The following PALM variants were observed in gnomAD, a reference collection of about 807,000 sequenced individuals.
PALM encodes paralemmin-1.
Under a neutral mutation model 30.7 loss-of-function variants are expected in PALM, and 18 were observed. The observed-to-expected ratio is 0.59, with a 90% CI of 0.41 to 0.87. The LOEUF (loss-of-function observed/expected upper bound fraction) is 0.87, where lower values mean the gene tolerates loss of function less well. PALM is among the 40% of genes least tolerant of loss of function. PALM has a pLI of 0.00. For synonymous variants in PALM, 286 were observed against 242.8 expected (o/e 1.18, Z -1.66); for missense variants, 529 against 555.4 (o/e 0.95, Z 0.48).
chr19:746,281 A>C lies in PALM; in HGVS notation c.635-4A>C. On this transcript the variant is annotated splice_region_variant and splice_polypyrimidine_tract_variant and intron_variant, in intron 8 of 8. Transcript: ENST00000338448. The surrounding 1 kb of genome is among the most constrained non-coding windows in gnomAD (Gnocchi z 7.1). ...GGTCATTCTCTCTGTCTCTCCTTGT[A>C]CAGTGGTCCATGCTGTGGACGGCAC... is the stretch of plus-strand genomic sequence containing the variant. 1 of 1,610,560 alleles carries C rather than the reference A, an allele frequency of 6.2e-7. No individual in the cohort carries two copies.
intron 1 of PALM, among the ~76,000 whole-genome samples, chr19:722,028 C>T (rs2032500529): frequency 6.6e-6 from 1 of 152,242 alleles, no homozygotes; most frequent in South Asian, 2.1e-4. Context: ...ACGCCATTCT[C>T]CTGCCTCAGC....
In PALM at chr19:726,203, G is replaced by A. The variant is rs1194302062; in HGVS notation, c.57+14G>A. 1.9e-6 allele frequency: 3 copies of A among 1,611,328 alleles called. No homozygotes were observed. The highest frequency in any genetic ancestry group is 1.7e-5 in the Admixed American group (1 of 59,960). ...CAGGCCATCGCAGTGAGTTTCCGCCGCCCCGCAGACGGTGTGGTCAGGGTG... is the reference window on the plus strand; with the variant it reads ...CAGGCCATCGCAGTGAGTTTCCGCCACCCCGCAGACGGTGTGGTCAGGGTG... On this transcript the variant is annotated intron_variant, in intron 2 of 8. Transcript: ENST00000338448.
At chr19:729,681 C>T (rs938477683) in intron 4 of PALM, among the ~76,000 whole-genome samples, 29 of 151,978 alleles carry the variant, frequency 1.9e-4, no homozygotes, top group African/African-American at 6.3e-4. Context: ...AGGCTGGTCT[C>T]GAACTCCCAA....
chr19:731,439 C>T (rs560076935), intron 5 of PALM, among the ~76,000 whole-genome samples, 194 bp downstream of exon 5: 2 of 152,168 alleles, frequency 1.3e-5, no homozygotes, highest in Non-Finnish European at 2.9e-5. Flanking sequence ...TGCTGGGCCT[C>T]GGTTTCCCCA....
chr19:712,529 G>A (rs1308567807), intron 1 of PALM, among the ~76,000 whole-genome samples: 5 of 151,324 alleles, frequency 3.3e-5, no homozygotes, highest in African/African-American at 7.3e-5. Flanking sequence ...GACTGCAGGC[G>A]CCCACCATCA....
At chr19:743,083 G>A (rs980815593) in intron 8 of PALM, among the ~76,000 whole-genome samples, 1 of 152,180 alleles carries the variant, frequency 6.6e-6, no homozygotes, top group Non-Finnish European at 1.5e-5. Flanking sequence ...TCCTGGTGGC[G>A]TGACGTGGGG....
chr19:734,307 C>G lies in PALM; in HGVS notation c.442+113C>G, dbSNP rs761523156. ...TTGCTCGGTGCCTCACGCCTGTGAT[C>G]CCAGCACTTTGGGAGGCCGAGGCGG... On this transcript the variant is annotated intron_variant, in intron 6 of 8. Transcript: ENST00000338448. 10 of 1,022,790 alleles carry G rather than the reference C, an allele frequency of 9.8e-6. No homozygotes were observed. In the Admixed American group the frequency reaches 2.0e-4, roughly 20 times the overall value. The allele number at this position is 1,022,790 out of a possible 1,614,324, so 63.4% of individuals were successfully genotyped here. A position where few individuals can be genotyped will look rare whatever the true frequency, so the allele number is the denominator to read the frequency against.
At chr19:727,720 C>A (rs370206943) in intron 4 of PALM, 26 bp downstream of exon 4, 539 of 1,522,450 alleles carry the variant, frequency 3.5e-4, no homozygotes, top group Non-Finnish European at 4.6e-4. Context: ...TGGGTGCCAC[C>A]GGGCTGGGTG....
chr19:712,720 G>A (rs2032123287), intron 1 of PALM, among the ~76,000 whole-genome samples: 1 of 141,862 alleles, frequency 7.0e-6, no homozygotes. Flanking sequence ...CTGTCACCCA[G>A]ACTGGAGTGC....
intron 1 of PALM, among the ~76,000 whole-genome samples, chr19:722,020 G>A (rs1004095575): frequency 1.3e-5 from 2 of 152,144 alleles, no homozygotes; most frequent in Non-Finnish European, 2.9e-5. Context: ...CCGGGTTCAC[G>A]CCATTCTCCT....
intron 7 of PALM, among the ~76,000 whole-genome samples, chr19:738,522 G>A (rs1320877255): frequency 2.6e-5 from 4 of 150,950 alleles, no homozygotes; most frequent in Non-Finnish European, 4.4e-5. Context: ...GCAAAACTTT[G>A]TCTCAAAAAA....
Position 746,513 on chromosome 19 carries a change from C to T in PALM, c.863C>T (p.Pro288Leu), listed in dbSNP as rs552444013. Reference sequence around the variant, plus strand: ...CCAGGCGAGGCCACGTCCGGCCCGCCGGGGATCCAGCCCGGCCAGGAGCCC... The same window carrying T: ...CCAGGCGAGGCCACGTCCGGCCCGCTGGGGATCCAGCCCGGCCAGGAGCCC... ...AQPGEATSGP[P>L]GIQPGQEPPV... The change falls in exon 9 of 9, where the codon CCG (proline) becomes CTG (leucine). Residue 288 changes from proline to leucine, a missense_variant. Transcript: ENST00000338448. This position sits in a 1 kb window ranked among gnomAD's most constrained non-coding sequence, Gnocchi z 7.1. 1.7e-5 allele frequency: 27 copies of T among 1,612,630 alleles called. No homozygotes were observed. Among genetic ancestry groups the T allele is most frequent in the East Asian group, 1.1e-4 (5 of 44,846 alleles).
chr19:717,224 A>C (rs1306272634), intron 1 of PALM, among the ~76,000 whole-genome samples: 1 of 152,108 alleles, frequency 6.6e-6, no homozygotes, highest in East Asian at 1.9e-4. Context: ...CACCGCGCCC[A>C]GCAGAGTTGT....
At chr19:727,983 G>A (rs959565837) in intron 4 of PALM, 14 of 315,878 alleles carry the variant, frequency 4.4e-5, no homozygotes, top group Non-Finnish European at 7.4e-5. Flanking sequence ...AGCGAGGGAC[G>A]TGGCGTCGAG....
chr19:741,390 G>A (rs1211660940), intron 8 of PALM, among the ~76,000 whole-genome samples: 3 of 145,588 alleles, frequency 2.1e-5, no homozygotes, highest in Non-Finnish European at 4.5e-5. Context: ...TTGGGCTGCA[G>A]GAGTGAGGGG....
intron 4 of PALM, chr19:727,961 C>G (rs2032743916): frequency 2.5e-6 from 1 of 403,838 alleles, no homozygotes; most frequent in Non-Finnish European, 4.4e-6. Flanking sequence ...TCCCACCGCC[C>G]TCGTTTGAGC....
chr19:731,361 A>G (rs1482849881), intron 5 of PALM, 116 bp downstream of exon 5: 27 of 993,376 alleles, frequency 2.7e-5, no homozygotes, highest in Non-Finnish European at 8.7e-6. Context: ...GACTAGAGCC[A>G]GGCACTTGAT....
At chr19:722,230 T>C (rs939852436) in intron 1 of PALM, among the ~76,000 whole-genome samples, 1 of 152,106 alleles carries the variant, frequency 6.6e-6, no homozygotes, top group Non-Finnish European at 1.5e-5. Flanking sequence ...AAATTTTTAT[T>C]TTTGAGACAA....
At chr19:740,792 G>C (rs1158179697) in intron 8 of PALM, among the ~76,000 whole-genome samples, 2 of 152,122 alleles carry the variant, frequency 1.3e-5, no homozygotes, top group Non-Finnish European at 2.9e-5. Context: ...TGTCCTTGCC[G>C]GGTGGCAAAC....
Sources: gnomAD v4.1 joint callset for allele counts (sites outside exome capture counted in the v4.1 genomes callset) on GRCh38, gnomAD v4.1.1 for gene constraint, Gnocchi (gnomAD v3.1) non-coding constraint, MANE v1.5 for transcripts, NCBI Gene and HGNC (gene_info 2026-07-23, HGNC 2026-07-21) for gene names.